PLCE1: variants seen among roughly 807,000 people sequenced by gnomAD.
PLCE1 encodes phospholipase C epsilon 1.
Under a neutral mutation model 242.8 loss-of-function variants are expected in PLCE1, and 119 were observed. That is an observed-to-expected ratio of 0.49 (90% CI 0.42 to 0.57). PLCE1 has a LOEUF of 0.57. Ranked by LOEUF, PLCE1 falls within the 20% of genes least tolerant of loss-of-function variation. The pLI, the probability that PLCE1 is intolerant of heterozygous loss-of-function variation, is 0.00. For synonymous variants in PLCE1, 945 were observed against 1,017.4 expected (o/e 0.93, Z 1.35); for missense variants, 2,441 against 2,788.8 (o/e 0.88, Z 2.81).
intron 19 of PLCE1, among the ~76,000 whole-genome samples, chr10:94,276,781 A>G (rs1035860160): frequency 6.6e-6 from 1 of 152,140 alleles, no homozygotes; most frequent in Non-Finnish European, 1.5e-5. Flanking sequence ...GTCAGCTATC[A>G]CCTTGACACT....
At chr10:94,011,258 G>A (rs1175799266) in intron 1 of PLCE1, among the ~76,000 whole-genome samples, 1 of 152,114 alleles carries the variant, frequency 6.6e-6, no homozygotes, top group East Asian at 1.9e-4. Flanking sequence ...CAGAGAGAAG[G>A]GGGAGGTTCC....
At chr10:94,257,792 G>T (rs1382639761) in intron 11 of PLCE1, among the ~76,000 whole-genome samples, 2 of 152,094 alleles carry the variant, frequency 1.3e-5, no homozygotes, top group African/African-American at 4.8e-5. Context: ...GAGGAGGGAG[G>T]GATAGCATTA....
intron 3 of PLCE1, among the ~76,000 whole-genome samples, chr10:94,158,490 T>C (rs1405514038): frequency 6.6e-6 from 1 of 152,152 alleles, no homozygotes; most frequent in East Asian, 1.9e-4. Flanking sequence ...AAAGAACAGA[T>C]GAGAAAATGC....
At chr10:94,004,631 T>G (rs992394398) in intron 1 of PLCE1, among the ~76,000 whole-genome samples, 2 of 152,228 alleles carry the variant, frequency 1.3e-5, no homozygotes, top group Non-Finnish European at 2.9e-5. Flanking sequence ...ACATTCTTGT[T>G]GCTTACGTGT....
At chr10:94,252,171 A>C in intron 8 of PLCE1, 145 bp from the exon 9 acceptor site, 1 of 703,180 alleles carries the variant, frequency 1.4e-6, no homozygotes. Context: ...TGAGTTAGAA[A>C]ACAGTCACTT....
At chr10:94,256,472 A>G (rs565850144) in intron 11 of PLCE1, among the ~76,000 whole-genome samples, 18 of 152,332 alleles carry the variant, frequency 1.2e-4, no homozygotes, top group African/African-American at 4.1e-4. Flanking sequence ...ATACATTCAC[A>G]TTCTACAATG....
chr10:94,192,962 A>G (rs909161499), intron 4 of PLCE1, among the ~76,000 whole-genome samples: 2 of 152,230 alleles, frequency 1.3e-5, no homozygotes, highest in African/African-American at 4.8e-5. Context: ...ATGAAGCTCA[A>G]ATTTCAGTGT....
At chr10:94,148,112 A>G (rs1035947623) in intron 3 of PLCE1, among the ~76,000 whole-genome samples, 3 of 152,194 alleles carry the variant, frequency 2.0e-5, no homozygotes, top group Admixed American at 6.5e-5. Flanking sequence ...TCATCATCTT[A>G]CCTGTAAAAT....
chr10:94,032,258 C>T lies in PLCE1; in HGVS notation c.1206+6C>T, dbSNP rs912148888. On this transcript the variant is annotated splice_donor_region_variant and intron_variant, in intron 2 of 32. Transcript: ENST00000371380. ...CAGAAGCCCAGTGGTATCCTGTAAGCATTTGAGTTTCTTTTTACCATTTCT... is the reference window on the plus strand; with the variant it reads ...CAGAAGCCCAGTGGTATCCTGTAAGTATTTGAGTTTCTTTTTACCATTTCT... 1.2e-6 allele frequency: 2 copies of T among 1,612,140 alleles called. No individual in the cohort carries two copies. Among genetic ancestry groups the T allele is most frequent in the East Asian group, 4.5e-5 (2 of 44,846 alleles).
chr10:94,008,078 C>A (rs1258407058), intron 1 of PLCE1, among the ~76,000 whole-genome samples: 1 of 151,106 alleles, frequency 6.6e-6, no homozygotes, highest in Non-Finnish European at 1.5e-5. Flanking sequence ...TATAGTCCTA[C>A]CTACACGAGA....
At chr10:94,093,964 C>T (rs1430960181) in intron 2 of PLCE1, among the ~76,000 whole-genome samples, 23 of 75,922 alleles carry the variant, frequency 3.0e-4, no homozygotes, top group African/African-American at 7.1e-5. Context: ...TTTTTTGAGA[C>T]GGAGTCTCGC....
intron 23 of PLCE1, among the ~76,000 whole-genome samples, chr10:94,297,566 G>T (rs2052875293): frequency 8.2e-6 from 1 of 121,756 alleles, no homozygotes; most frequent in South Asian, 2.9e-4. Flanking sequence ...GCTGGAGGCA[G>T]GCCTGCCCCA....
intron 3 of PLCE1, among the ~76,000 whole-genome samples, chr10:94,155,270 A>G (rs993640183): frequency 1.3e-5 from 2 of 152,248 alleles, no homozygotes; most frequent in Admixed American, 6.5e-5. Context: ...AATGTGGTAT[A>G]TACATACAAT....
intron 20 of PLCE1, among the ~76,000 whole-genome samples, chr10:94,281,134 T>G (rs1347406327): frequency 6.6e-6 from 1 of 152,246 alleles, no homozygotes; most frequent in Non-Finnish European, 1.5e-5. Context: ...ATTAACTTAT[T>G]CTTCCCCATG....
chr10:94,212,160 C>T (rs1029726398), intron 4 of PLCE1, among the ~76,000 whole-genome samples: 1 of 152,176 alleles, frequency 6.6e-6, no homozygotes, highest in Non-Finnish European at 1.5e-5. Flanking sequence ...GATCTCGGCT[C>T]ACTGCAACCT....
chr10:94,063,337 C>G (rs1471399351), intron 2 of PLCE1, among the ~76,000 whole-genome samples: 1 of 152,206 alleles, frequency 6.6e-6, no homozygotes, highest in African/African-American at 2.4e-5. Context: ...TGAACTGCCA[C>G]TTTCTCCCTG....
chr10:94,290,231 TG>T (rs1162040523), intron 22 of PLCE1, among the ~76,000 whole-genome samples: 2 of 151,728 alleles, frequency 1.3e-5, no homozygotes, highest in African/African-American at 4.8e-5. Flanking sequence ...GGTCTCACTA[TG>T]TTGCCCAAGC....
chr10:94,296,492 G>T (rs2052821338), intron 23 of PLCE1, among the ~76,000 whole-genome samples: 1 of 152,072 alleles, frequency 6.6e-6, no homozygotes, highest in East Asian at 1.9e-4. Flanking sequence ...TTATGGAGAT[G>T]ACTTCTTTCC....
At chr10:94,109,013 T>C (rs1485296223) in intron 2 of PLCE1, 1 of 152,226 alleles carries the variant, frequency 6.6e-6, no homozygotes. Flanking sequence ...GCAGGCTTGC[T>C]AGTTGATATA....
Sources: allele counts gnomAD v4.1 joint callset (sites outside exome capture counted in the v4.1 genomes callset), GRCh38; gene constraint gnomAD v4.1.1; transcripts MANE v1.5; gene names NCBI Gene and HGNC (gene_info 2026-07-23, HGNC 2026-07-21).